The following FRRS1 variants were observed in gnomAD, a reference collection of about 807,000 sequenced individuals.
FRRS1 encodes the protein ferric reductase 1.
In FRRS1, 51 loss-of-function variants were observed where a neutral mutation model predicts 70.7. The observed-to-expected ratio is 0.72, with a 90% CI of 0.58 to 0.91. FRRS1 has a LOEUF of 0.91. FRRS1 is among the 40% of genes least tolerant of loss of function. The pLI is 0.00. For missense variants in FRRS1, 672 were observed against 726.0 expected, an observed-to-expected ratio of 0.93 and a Z score of 0.86; for synonymous variants, 225 against 238.7, an observed-to-expected ratio of 0.94 and a Z score of 0.53.
In FRRS1 at chr1:99,742,163, A is replaced by C; in HGVS notation, c.428+16T>G. On this transcript the variant is annotated intron_variant, in intron 5 of 16. Coordinates refer to ENST00000646001, the MANE Select transcript of FRRS1 (RefSeq NM_001361041.2). ...GCCACCATGCCTGGCCCAGAATTAT[A>C]AACTCTTATACTCACAGAAACTGTG... The C allele has an allele frequency of 6.6e-7, 1 of 1,520,348 alleles. No individual in the cohort carries two copies. The highest frequency in any genetic ancestry group is 9.1e-7 in the Non-Finnish European group (1 of 1,095,848). 94.2% of individuals were successfully genotyped at this position (1,520,348 alleles called of 1,614,324 possible). A position where few individuals can be genotyped will look rare whatever the true frequency, so the allele number is the denominator to read the frequency against.
intron 9 of FRRS1, among the ~76,000 whole-genome samples, chr1:99,723,608 G>A (rs1654941161): frequency 6.6e-6 from 1 of 152,156 alleles, no homozygotes; most frequent in Non-Finnish European, 1.5e-5. Flanking sequence ...AAGAAGGCCA[G>A]AAGGGGAATC....
chr1:99,741,318 C>A (rs1237773173), intron 5 of FRRS1, among the ~76,000 whole-genome samples: 6 of 152,236 alleles, frequency 3.9e-5, no homozygotes, highest in Non-Finnish European at 8.8e-5. Context: ...CAAGCAACAA[C>A]AGCAACAAGC....
At chr1:99,725,600 G>T (rs976320682) in intron 9 of FRRS1, among the ~76,000 whole-genome samples, 2 of 152,148 alleles carry the variant, frequency 1.3e-5, no homozygotes, top group African/African-American at 2.4e-5. Context: ...GCGACACTTG[G>T]AGAAACACCA....
At chr1:99,764,321 G>C (rs552684611) in intron 1 of FRRS1, among the ~76,000 whole-genome samples, 5 of 152,262 alleles carry the variant, frequency 3.3e-5, no homozygotes, top group African/African-American at 9.6e-5. Context: ...TACCCCTTAG[G>C]AAGGTATGTG....
chr1:99,716,926 A>T (rs1348209904), intron 11 of FRRS1, among the ~76,000 whole-genome samples: 2 of 152,214 alleles, frequency 1.3e-5, no homozygotes, highest in East Asian at 3.8e-4. Context: ...CCACCCATAC[A>T]GGAGATAGAT....
intron 1 of FRRS1, among the ~76,000 whole-genome samples, chr1:99,754,503 GAGAA>G (rs1464933870): frequency 1.0e-5 from 1 of 99,202 alleles, no homozygotes; most frequent in African/African-American, 5.9e-5. Context: ...GAGAGAGAGA[GAGAA>G]AGAGAGAGAG....
chr1:99,750,223 T>C (rs1460738437), intron 1 of FRRS1, among the ~76,000 whole-genome samples: 3 of 152,172 alleles, frequency 2.0e-5, no homozygotes, highest in African/African-American at 7.2e-5. Context: ...CTCACTAAAA[T>C]ACTGAGGTCT....
chr1:99,736,866 G>A (rs562611666), intron 7 of FRRS1, among the ~76,000 whole-genome samples: 17 of 150,956 alleles, frequency 1.1e-4, no homozygotes, highest in East Asian at 7.8e-4. Context: ...TACATCCAGC[G>A]TCTTACAATA....
rs753956571 is a variant in FRRS1, at chr1:99,729,668, G to T, written c.840C>A (p.His280Gln). ...IQPSHLTGRS[H>Q]PVMDSRDTLE... Reference sequence around the variant, plus strand: ...CACCTACCCTGGAGTCCATTACAGGGTGACTTCGCCCCGTTAAATGGGAAG... The same window carrying T: ...CACCTACCCTGGAGTCCATTACAGGTTGACTTCGCCCCGTTAAATGGGAAG... The change falls in exon 8 of 17, where the codon CAC becomes CAA. Residue 280 changes from histidine to glutamine, a missense_variant. Coordinates refer to ENST00000646001, the MANE Select transcript of FRRS1 (RefSeq NM_001361041.2). 1 of 1,611,942 alleles carries T rather than the reference G, an allele frequency of 6.2e-7. No homozygotes were observed. The highest frequency in any genetic ancestry group is 8.5e-7 in the Non-Finnish European group (1 of 1,178,178).
intron 12 of FRRS1, among the ~76,000 whole-genome samples, chr1:99,713,388 T>A (rs1045678654): frequency 1.3e-5 from 2 of 152,220 alleles, no homozygotes; most frequent in African/African-American, 4.8e-5. Context: ...GTTACCTTTG[T>A]CCAAAATGTC....
intron 6 of FRRS1, among the ~76,000 whole-genome samples, chr1:99,739,486 C>T (rs531644934): frequency 2.6e-5 from 4 of 152,168 alleles, no homozygotes; most frequent in East Asian, 1.9e-4. Flanking sequence ...TATGGTCAAA[C>T]GAAAGTGCAA....
At chr1:99,761,863 G>A (rs776165218) in intron 1 of FRRS1, among the ~76,000 whole-genome samples, 1 of 152,142 alleles carries the variant, frequency 6.6e-6, no homozygotes, top group Admixed American at 6.5e-5. Context: ...TAATTTAGAG[G>A]TATGGAAGAA....
intron 9 of FRRS1, among the ~76,000 whole-genome samples, chr1:99,722,848 A>T (rs1461940281): frequency 6.6e-6 from 1 of 152,220 alleles, no homozygotes; most frequent in Non-Finnish European, 1.5e-5. Context: ...TAAACAATGC[A>T]ATGAGACAAG....
intron 9 of FRRS1, among the ~76,000 whole-genome samples, chr1:99,721,444 C>T (rs1654819077): frequency 6.6e-6 from 1 of 150,680 alleles, no homozygotes; most frequent in African/African-American, 2.4e-5. Flanking sequence ...ATATAGAAGA[C>T]CATTTTATAT....
intron 1 of FRRS1, among the ~76,000 whole-genome samples, chr1:99,758,416 G>A (rs1368624823): frequency 6.6e-6 from 1 of 152,186 alleles, no homozygotes; most frequent in African/African-American, 2.4e-5. Flanking sequence ...GGACCAGCTG[G>A]AGCCATGGCA....
chr1:99,750,871 A>G (rs1260041097), intron 1 of FRRS1, among the ~76,000 whole-genome samples: 1 of 152,182 alleles, frequency 6.6e-6, no homozygotes, highest in Non-Finnish European at 1.5e-5. Context: ...TAAATAAATA[A>G]TAAATAAAAA....
intron 6 of FRRS1, 89 bp from the exon 7 acceptor site, chr1:99,738,357 G>A (rs1655784797): frequency 2.4e-6 from 2 of 845,624 alleles, no homozygotes; most frequent in Non-Finnish European, 3.6e-6. Context: ...TTCAAGTACG[G>A]GTAGCTCCCA....
In FRRS1 at chr1:99,722,388, T is replaced by G. The variant is rs139963780; in HGVS notation, c.1007-2741A>C. On this transcript the variant is annotated intron_variant, in intron 9 of 16. Coordinates refer to ENST00000646001, the MANE Select transcript of FRRS1 (RefSeq NM_001361041.2). ...ATAACCCTGAAATCAAAACTACGCATGTGTACATTCACACAAGCACCCCAC... is the reference window on the plus strand; with the variant it reads ...ATAACCCTGAAATCAAAACTACGCAGGTGTACATTCACACAAGCACCCCAC... 7.6e-3 allele frequency among the ~76,000 whole-genome samples: 1,156 copies of G among 152,278 alleles called. 12 individuals are homozygous for G. Among genetic ancestry groups the G allele is most frequent in the Non-Finnish European group, 9.9e-3 (673 of 68,034 alleles).
Position 99,742,253 on chromosome 1 carries a change from T to C in FRRS1, c.354A>G (p.Arg118=). The change falls in exon 5 of 17, where the codon AGA becomes AGG. Residue 118 remains arginine (R), a synonymous_variant. Coordinates refer to ENST00000646001, the MANE Select transcript of FRRS1 (RefSeq NM_001361041.2). The stretch of plus-strand genomic sequence containing the variant: ...TAATTTCTGTTTTTTTAGATGCACT[T>C]CTGTGACTCACTGCTGATCCCTGAA... The part of the protein sequence containing the change: ...EDIQGSAVSH[R]SASKKTEIKV... The C allele has an allele frequency of 6.2e-7, 1 of 1,608,562 alleles. No homozygotes were observed. Among genetic ancestry groups the C allele is most frequent in the Non-Finnish European group, 8.5e-7 (1 of 1,174,998 alleles).
Sources: allele counts gnomAD v4.1 joint callset (sites outside exome capture counted in the v4.1 genomes callset), GRCh38; gene constraint gnomAD v4.1.1; transcripts MANE v1.5; gene names NCBI Gene and HGNC (gene_info 2026-07-23, HGNC 2026-07-21).